NFYC: variants seen among roughly 807,000 people sequenced by gnomAD.
The protein encoded by NFYC is CAAT box DNA-binding protein subunit C.
In NFYC, 25 loss-of-function variants were observed where a neutral mutation model predicts 53.1. The ratio of observed to expected loss-of-function variants is 0.47; its 90% CI spans 0.34 to 0.66. NFYC has a LOEUF of 0.66. Among genes scored for constraint, NFYC ranks in the 30% least tolerant of loss-of-function variants. The probability of loss-of-function intolerance (pLI) is 0.01; values close to 1 mark genes in which losing one functional copy is unlikely to be tolerated. For missense variants in NFYC, 260 were observed against 422.7 expected, an observed-to-expected ratio of 0.62 and a Z score of 3.38; for synonymous variants, 145 against 152.6, an observed-to-expected ratio of 0.95 and a Z score of 0.37.
At chr1:40,717,784 A>G (rs1644191932) in intron 1 of NFYC, among the ~76,000 whole-genome samples, 1 of 152,226 alleles carries the variant, frequency 6.6e-6, no homozygotes, top group African/African-American at 2.4e-5. Context: ...TAAAATCTCA[A>G]ATGGCAGCAT....
chr1:40,758,474 C>T, intron 6 of NFYC, 180 bp downstream of exon 6: 2 of 649,226 alleles, frequency 3.1e-6, no homozygotes, highest in Non-Finnish European at 5.0e-6. Flanking sequence ...CCTAATCTCT[C>T]TGGACCCTGT....
intron 1 of NFYC, among the ~76,000 whole-genome samples, chr1:40,700,537 G>C (rs910651106): frequency 6.6e-6 from 1 of 151,902 alleles, no homozygotes; most frequent in African/African-American, 2.4e-5. Context: ...GTAGTGAGGA[G>C]GTCTTGCTAT....
chr1:40,761,467 T>C (rs142141737), intron 6 of NFYC, among the ~76,000 whole-genome samples: 1 of 152,336 alleles, frequency 6.6e-6, no homozygotes, highest in East Asian at 1.9e-4. Flanking sequence ...CATATTTTGG[T>C]AAAATTAATC....
intron 1 of NFYC, among the ~76,000 whole-genome samples, chr1:40,730,400 G>T (rs1285582799): frequency 2.3e-4 from 35 of 152,174 alleles, no homozygotes; most frequent in Non-Finnish European, 4.3e-4. Context: ...AGAGGCCGTT[G>T]TAGGGTTATT....
At chr1:40,709,673 G>A (rs1371652528) in intron 1 of NFYC, 1 of 152,196 alleles carries the variant, frequency 6.6e-6, no homozygotes, top group Non-Finnish European at 1.5e-5. Context: ...GCTTCAGAGA[G>A]TGTAGACAAG....
rs1204616040 is a variant in NFYC at position 40,758,294 on chromosome 1, G to A, written c.561G>A (p.Gln187=). Residue 187 remains glutamine (Q), a splice_region_variant and synonymous_variant, in exon 6 of 10, where the codon CAG becomes CAA. Transcript: ENST00000447388. ...TCATCGCACAGCCTCAGCAGGGCCAGGTCTGTGAGCTGCTGAGGATGCCCA... is the reference window on the plus strand; with the variant it reads ...TCATCGCACAGCCTCAGCAGGGCCAAGTCTGTGAGCTGCTGAGGATGCCCA... ...QIIIAQPQQG[Q]TTPVTMQVGE... is the part of the protein sequence containing the mutation. The A allele has an allele frequency of 5.6e-6, 9 of 1,605,590 alleles. No homozygotes were observed. Among genetic ancestry groups the A allele is most frequent in the Non-Finnish European group, 7.7e-6 (9 of 1,174,720 alleles).
chr1:40,751,230 G>A (rs898464280), intron 4 of NFYC, among the ~76,000 whole-genome samples: 2 of 152,060 alleles, frequency 1.3e-5, no homozygotes, highest in Non-Finnish European at 2.9e-5. Flanking sequence ...CATACAACAT[G>A]GATAAATCTC....
intron 1 of NFYC, chr1:40,734,959 A>C (rs1464583745): frequency 2.6e-5 from 4 of 152,194 alleles, no homozygotes; most frequent in Non-Finnish European, 5.9e-5. Context: ...AAAAATCATA[A>C]AGGCCATAAC....
intron 2 of NFYC, among the ~76,000 whole-genome samples, chr1:40,744,037 G>A (rs981178272): frequency 4.6e-5 from 7 of 152,168 alleles, no homozygotes; most frequent in African/African-American, 1.2e-4. Flanking sequence ...GCCACAGACC[G>A]GTATGGGTCC....
At chr1:40,763,671 G>A (rs1180067739) in intron 7 of NFYC, among the ~76,000 whole-genome samples, 1 of 152,136 alleles carries the variant, frequency 6.6e-6, no homozygotes, top group East Asian at 1.9e-4. Flanking sequence ...ATATATATGC[G>A]TGTGTGTGTT....
chr1:40,714,025 G>C (rs962900436), intron 1 of NFYC, among the ~76,000 whole-genome samples: 7 of 152,072 alleles, frequency 4.6e-5, no homozygotes, highest in Non-Finnish European at 1.0e-4. Context: ...GGAAGCTAAT[G>C]GTGTTCACCT....
At chr1:40,742,708 C>T (rs560260822) in intron 2 of NFYC, among the ~76,000 whole-genome samples, 2 of 152,254 alleles carry the variant, frequency 1.3e-5, no homozygotes, top group South Asian at 2.1e-4. Flanking sequence ...AATATTTGAA[C>T]AAATTAGACT....
chr1:40,742,215 CTTT>C (rs879874907), intron 2 of NFYC, among the ~76,000 whole-genome samples: 1 of 144,120 alleles, frequency 6.9e-6, no homozygotes, highest in African/African-American at 2.5e-5. Flanking sequence ...CTGGCCTATC[CTTT>C]TTTTTTTTTT....
At position 40,714,093 on chromosome 1, in the gene NFYC, C is replaced by T. The variant is rs115909360; in HGVS notation, c.-9+22226C>T. 2.7e-3 allele frequency among the ~76,000 whole-genome samples: 411 copies of T among 152,306 alleles called. 1 individual carries two copies. Among genetic ancestry groups the T allele is most frequent in the African/African-American group, 9.4e-3 (392 of 41,552 alleles). Reference sequence around the variant, plus strand: ...TGCATTATGAGGAATTTAGGGTATACAAACACATCACCTGCAAGCCAGTTA... The same window carrying T: ...TGCATTATGAGGAATTTAGGGTATATAAACACATCACCTGCAAGCCAGTTA... On this transcript the variant is annotated intron_variant, in intron 1 of 9. Transcript: ENST00000447388.
chr1:40,731,999 C>T (rs942186722), intron 1 of NFYC, among the ~76,000 whole-genome samples: 1 of 152,172 alleles, frequency 6.6e-6, no homozygotes, highest in African/African-American at 2.4e-5. Flanking sequence ...TTCCAAGAGC[C>T]TATCGAAGAC....
At chr1:40,759,543 AAAC>A (rs1342973349) in intron 6 of NFYC, among the ~76,000 whole-genome samples, 28 of 139,154 alleles carry the variant, frequency 2.0e-4, no homozygotes, top group Admixed American at 1.5e-3. Context: ...CTCAAAAAAA[AAAC>A]AAAAAAAAGT....
rs140859594 is a variant in NFYC at position 40,751,495 on chromosome 1, T to A, written c.292-1656T>A. Among the ~76,000 whole-genome samples, 413 of 152,270 alleles carry A rather than the reference T, an allele frequency of 2.7e-3. 1 individual carries two copies. Among genetic ancestry groups the A allele is most frequent in the African/African-American group, 9.4e-3 (392 of 41,566 alleles). On this transcript the variant is annotated intron_variant, in intron 4 of 9. Coordinates refer to ENST00000447388, the MANE Select transcript of NFYC (RefSeq NM_014223.5). Reference sequence around the variant, plus strand: ...ATCACAGCTCATTGCAGCCTCGACCTCCTGGGCTCAAGTGATCCTCCCACC... The same window carrying A: ...ATCACAGCTCATTGCAGCCTCGACCACCTGGGCTCAAGTGATCCTCCCACC...
At position 40,707,171 on chromosome 1, in the gene NFYC, A is replaced by G. The variant is rs1456273084; in HGVS notation, c.-9+15304A>G. Among the ~76,000 whole-genome samples the G allele has an allele frequency of 5.4e-5, 8 of 148,648 alleles. No individual in the cohort carries two copies. In the East Asian group the frequency reaches 1.4e-3, roughly 25 times the overall value. ...GGTGACAGAGGGAGACTCTGCCTCA[A>G]AAAAAAAAAAGAAAATTTTTTTATA... On this transcript the variant is annotated intron_variant, in intron 1 of 9. Transcript: ENST00000447388.
intron 6 of NFYC, chr1:40,758,531 C>T: frequency 2.4e-6 from 1 of 424,664 alleles, no homozygotes. Context: ...AGTATGTTCT[C>T]CAGGATCCCT....
Sources: allele counts gnomAD v4.1 joint callset (sites outside exome capture counted in the v4.1 genomes callset), GRCh38; gene constraint gnomAD v4.1.1; transcripts MANE v1.5; gene names NCBI Gene and HGNC (gene_info 2026-07-23, HGNC 2026-07-21).